The following FRA10AC1 variants were observed in gnomAD, a reference collection of about 807,000 sequenced individuals.
The protein encoded by FRA10AC1 is protein FRA10AC1.
Under a neutral mutation model 56.5 loss-of-function variants are expected in FRA10AC1, and 43 were observed. The ratio of observed to expected loss-of-function variants is 0.76; its 90% CI spans 0.60 to 0.98. The LOEUF (loss-of-function observed/expected upper bound fraction) is 0.98, where lower values mean the gene tolerates loss of function less well. Ranked by LOEUF, FRA10AC1 falls within the 50% of genes least tolerant of loss-of-function variation. The probability of loss-of-function intolerance (pLI) is 0.00; values close to 1 mark genes in which losing one functional copy is unlikely to be tolerated. For synonymous variants in FRA10AC1, 112 were observed against 110.5 expected (o/e 1.01, Z -0.09); for missense variants, 346 against 351.8 (o/e 0.98, Z 0.13).
intron 7 of FRA10AC1, among the ~76,000 whole-genome samples, chr10:93,690,158 T>C (rs1229221277): frequency 1.3e-5 from 2 of 152,094 alleles, no homozygotes. Flanking sequence ...AGAAAATGCA[T>C]CCTAGTGAGG....
rs577695663 is a variant in FRA10AC1, at chr10:93,692,808, A to G, written c.297-79T>C. 1.3e-3 allele frequency: 994 copies of G among 748,716 alleles called. 3 individuals carry two copies. Among genetic ancestry groups the G allele is most frequent in the Admixed American group, 1.9e-3 (66 of 34,184 alleles). 46.4% of individuals were successfully genotyped at this position (748,716 alleles called of 1,614,324 possible). A position where few individuals can be genotyped will look rare whatever the true frequency, so the allele number is the denominator to read the frequency against. On this transcript the variant is annotated intron_variant, in intron 5 of 13. Coordinates refer to ENST00000359204, the MANE Select transcript of FRA10AC1 (RefSeq NM_145246.5). Reference sequence around the variant, plus strand: ...GGTTAAATAGCTCTGTGAGTTTTGGAAAATTTTATTAAAAATATAATACAT... The same window carrying G: ...GGTTAAATAGCTCTGTGAGTTTTGGGAAATTTTATTAAAAATATAATACAT...
At position 93,696,653 on chromosome 10, in the gene FRA10AC1, A is replaced by T. The variant is rs765763610; in HGVS notation, c.219+1483T>A. 1.5e-4 allele frequency among the ~76,000 whole-genome samples: 23 copies of T among 152,240 alleles called. 1 individual carries two copies. Among genetic ancestry groups the T allele is most frequent in the Non-Finnish European group, 3.2e-4 (22 of 68,040 alleles). Reference sequence around the variant, plus strand: ...CATTCTATTATAAAGATACATGCACATGTATGTTTATTGCAGCACTATTCA... The same window carrying T: ...CATTCTATTATAAAGATACATGCACTTGTATGTTTATTGCAGCACTATTCA... On this transcript the variant is annotated intron_variant, in intron 4 of 13. Coordinates refer to ENST00000359204, the MANE Select transcript of FRA10AC1 (RefSeq NM_145246.5).
Position 93,693,482 on chromosome 10 carries a change from GTATATATATATA to G in FRA10AC1, c.297-765_297-754del, listed in dbSNP as rs777454590. On this transcript the variant is annotated intron_variant, in intron 5 of 13. Coordinates refer to ENST00000359204, the MANE Select transcript of FRA10AC1 (RefSeq NM_145246.5). ...TGGATAAAGAAAATGTGGTGTGTGT[GTATATATATATA>G]TATATATATATATACACCATATATA... 3.2e-3 allele frequency among the ~76,000 whole-genome samples: 116 copies of G among 36,290 alleles called. 1 individual carries two copies. The highest frequency in any genetic ancestry group is 6.7e-3 in the African/African-American group (107 of 16,022). 23.8% of individuals were successfully genotyped at this position (36,290 alleles called of 152,430 possible).
chr10:93,669,378 C>A lies in FRA10AC1; in HGVS notation c.*448G>T. On this transcript the variant is annotated 3_prime_UTR_variant, in exon 14 of 14. Coordinates refer to ENST00000359204, the MANE Select transcript of FRA10AC1 (RefSeq NM_145246.5). ...TAAGGCCAGGAGTTTGAATACCAGC[C>A]TGGGCAACACAGGAGGACTCCGTTT... 1 of 153,348 alleles carries A rather than the reference C, an allele frequency of 6.5e-6. No individual in the cohort carries two copies. 9.5% of individuals were successfully genotyped at this position (153,348 alleles called of 1,614,324 possible). A position where few individuals can be genotyped will look rare whatever the true frequency, so the allele number is the denominator to read the frequency against.
chr10:93,677,955 T>G (rs1472477611), intron 11 of FRA10AC1, among the ~76,000 whole-genome samples: 1 of 152,240 alleles, frequency 6.6e-6, no homozygotes, highest in Non-Finnish European at 1.5e-5. Flanking sequence ...CTACACTTAT[T>G]GAATGCCTCC....
intron 3 of FRA10AC1, 47 bp downstream of exon 3, chr10:93,698,254 C>T (rs1456300746): frequency 8.6e-6 from 13 of 1,511,582 alleles, no homozygotes; most frequent in South Asian, 3.5e-5. Flanking sequence ...TCCCCTAATC[C>T]GAAGCAACTT....
chr10:93,669,822 C>T lies in FRA10AC1; in HGVS notation c.*4G>A, dbSNP rs1023731114. Reference sequence around the variant, plus strand: ...TTAAGGAGCGGAGGCTTCTCTCTCTCGTCTCATAGAAACAAATCCTGAAAA... The same window carrying T: ...TTAAGGAGCGGAGGCTTCTCTCTCTTGTCTCATAGAAACAAATCCTGAAAA... On this transcript the variant is annotated 3_prime_UTR_variant, in exon 14 of 14. Transcript: ENST00000359204. The T allele has an allele frequency of 1.5e-5, 23 of 1,564,106 alleles. No individual in the cohort carries two copies. The highest frequency in any genetic ancestry group is 8.2e-5 in the South Asian group (7 of 85,462).
At chr10:93,681,841 C>T (rs906618220) in intron 10 of FRA10AC1, among the ~76,000 whole-genome samples, 1 of 151,990 alleles carries the variant, frequency 6.6e-6, no homozygotes, top group Admixed American at 6.5e-5. Flanking sequence ...GTTCTGTATA[C>T]GACCATAGTA....
intron 1 of FRA10AC1, among the ~76,000 whole-genome samples, chr10:93,700,668 A>C (rs1380553270): frequency 1.3e-5 from 2 of 152,230 alleles, no homozygotes; most frequent in Non-Finnish European, 1.5e-5. Context: ...AATATGATTT[A>C]CTATATTCCA....
chr10:93,700,164 C>A, intron 1 of FRA10AC1, 58 bp from the exon 2 acceptor site: 1 of 967,988 alleles, frequency 1.0e-6, no homozygotes. Flanking sequence ...GTCCAGGAAA[C>A]AATAATTCAA....
chr10:93,670,600 T>C (rs1210346742), intron 13 of FRA10AC1, among the ~76,000 whole-genome samples, 170 bp downstream of exon 13: 2 of 152,142 alleles, frequency 1.3e-5, no homozygotes, highest in African/African-American at 2.4e-5. Flanking sequence ...GCTGGATGTG[T>C]TGGCTGCTTA....
At chr10:93,684,163 T>C in intron 9 of FRA10AC1, 65 bp from the exon 10 acceptor site, 2 of 1,196,580 alleles carry the variant, frequency 1.7e-6, no homozygotes, top group Non-Finnish European at 2.5e-6. Flanking sequence ...CTACTTTTAA[T>C]ATCATAAATT....
chr10:93,701,961 G>T (rs1156739235), intron 1 of FRA10AC1, among the ~76,000 whole-genome samples: 1 of 152,184 alleles, frequency 6.6e-6, no homozygotes, highest in East Asian at 1.9e-4. Context: ...CATACGAATG[G>T]AGATTAAAAG....
chr10:93,677,484 T>C (rs1249641856), intron 11 of FRA10AC1, among the ~76,000 whole-genome samples: 2 of 152,184 alleles, frequency 1.3e-5, no homozygotes, highest in Non-Finnish European at 2.9e-5. Flanking sequence ...AGGAACATGA[T>C]ACCTGCTTCC....
intron 4 of FRA10AC1, among the ~76,000 whole-genome samples, chr10:93,697,743 T>C (rs2059256764): frequency 6.6e-6 from 1 of 152,200 alleles, no homozygotes; most frequent in Admixed American, 6.5e-5. Context: ...TGGATAGACC[T>C]AATTTTAAAT....
At chr10:93,700,386 A>G (rs2133948500) in intron 1 of FRA10AC1, among the ~76,000 whole-genome samples, 1 of 152,316 alleles carries the variant, frequency 6.6e-6, no homozygotes. Context: ...CCAGGCCTAA[A>G]AGCTGCAGTG....
intron 8 of FRA10AC1, 33 bp from the exon 9 acceptor site, chr10:93,685,392 G>A: frequency 1.1e-6 from 1 of 946,518 alleles, no homozygotes; most frequent in Non-Finnish European, 1.7e-6. Context: ...AGCTATGGTA[G>A]TTGGTGATAA....
At chr10:93,679,619 G>C (rs985189801) in intron 11 of FRA10AC1, among the ~76,000 whole-genome samples, 3 of 152,158 alleles carry the variant, frequency 2.0e-5, no homozygotes, top group Non-Finnish European at 2.9e-5. Flanking sequence ...GAGGTACAGA[G>C]TGGTAAGAAA....
In FRA10AC1 at chr10:93,702,522, A is replaced by ACCACCGACG; in HGVS notation, c.-149_-148insCGTCGGTGG. ...GCCGCACAGCCTCGCCACAACCACC[A>ACCACCGACG]CCGCCGCCGCCGCCGCCGCCGCCGC... On this transcript the variant is annotated 5_prime_UTR_variant, in exon 1 of 14. Coordinates refer to ENST00000359204, the MANE Select transcript of FRA10AC1 (RefSeq NM_145246.5). 4.6e-6 allele frequency: 1 copy of ACCACCGACG among 215,224 alleles called. No homozygotes were observed. Among genetic ancestry groups the ACCACCGACG allele is most frequent in the Admixed American group, 5.9e-5 (1 of 16,904 alleles). The allele number at this position is 215,224 out of a possible 1,614,324, so 13.3% of individuals were successfully genotyped here. A position where few individuals can be genotyped will look rare whatever the true frequency, so the allele number is the denominator to read the frequency against.
Sources: gnomAD v4.1 joint callset for allele counts (sites outside exome capture counted in the v4.1 genomes callset) on GRCh38, gnomAD v4.1.1 for gene constraint, MANE v1.5 for transcripts, NCBI Gene and HGNC (gene_info 2026-07-23, HGNC 2026-07-21) for gene names.